LTBP1: variants seen among roughly 807,000 people sequenced by gnomAD.
The protein encoded by LTBP1 is latent transforming growth factor beta binding protein 1, also known as latent-transforming growth factor beta-binding protein 1.
Under a neutral mutation model 207.6 loss-of-function variants are expected in LTBP1, and 129 were observed. That is an observed-to-expected ratio of 0.62 (90% CI 0.54 to 0.72). The LOEUF (loss-of-function observed/expected upper bound fraction) is 0.72, where lower values mean the gene tolerates loss of function less well. Among genes scored for constraint, LTBP1 ranks in the 30% least tolerant of loss-of-function variants. The probability of loss-of-function intolerance (pLI) is 0.00; values close to 1 mark genes in which losing one functional copy is unlikely to be tolerated. For synonymous variants in LTBP1, 963 were observed against 833.7 expected (o/e 1.16, Z -2.67); for missense variants, 2,281 against 2,217.2 (o/e 1.03, Z -0.58).
At position 33,217,614 on chromosome 2, in the gene LTBP1, C is replaced by G. The variant is rs761327971; in HGVS notation, c.1764C>G (p.Ser588=). 2 of 1,613,780 alleles carry G rather than the reference C, an allele frequency of 1.2e-6. No homozygotes were observed. The highest frequency in any genetic ancestry group is 1.7e-6 in the Non-Finnish European group (2 of 1,179,834). Residue 588 remains serine, a synonymous_variant, in exon 8 of 34, where the codon TCC becomes TCG. Transcript: ENST00000404816. The part of the protein sequence containing the change: ...QEDCCGTVGT[S]WGFNKCQKCP... ...ACTGCTGTGGAACTGTGGGTACCTC[C>G]TGGGGCTTTAACAAATGCCAGAAAT...
At chr2:33,204,165 T>C (rs555638559) in intron 7 of LTBP1, among the ~76,000 whole-genome samples, 1 of 152,384 alleles carries the variant, frequency 6.6e-6, no homozygotes, top group Non-Finnish European at 1.5e-5. Flanking sequence ...GAACCTTCTC[T>C]AAGACCATGA....
chr2:33,362,987 T>A (rs753221877), intron 28 of LTBP1, among the ~76,000 whole-genome samples: 27 of 152,308 alleles, frequency 1.8e-4, no homozygotes, highest in South Asian at 4.1e-4. Context: ...TCCACCAAAC[T>A]TTATTGGAAA....
intron 26 of LTBP1, among the ~76,000 whole-genome samples, chr2:33,353,027 G>A (rs2094804664): frequency 7.1e-6 from 1 of 141,122 alleles, no homozygotes; most frequent in South Asian, 2.2e-4. Context: ...TGCGCAGGCT[G>A]GAGTGCAGTG....
At chr2:33,075,763 T>C (rs1017338123) in intron 3 of LTBP1, among the ~76,000 whole-genome samples, 2 of 152,264 alleles carry the variant, frequency 1.3e-5, no homozygotes, top group Non-Finnish European at 2.9e-5. Context: ...GTAAGTGATA[T>C]AATCCACACT....
intron 33 of LTBP1, among the ~76,000 whole-genome samples, 190 bp from the exon 34 acceptor site, chr2:33,398,174 C>G (rs117761459): frequency 6.6e-6 from 1 of 152,204 alleles, no homozygotes; most frequent in African/African-American, 2.4e-5. Flanking sequence ...GAAAGAAGTT[C>G]TAGAACCTCC....
Position 33,139,101 on chromosome 2 carries a change from G to A in LTBP1, c.1201+4141G>A, listed in dbSNP as rs1046436405. On this transcript the variant is annotated intron_variant, in intron 5 of 33. Coordinates refer to ENST00000404816, the MANE Select transcript of LTBP1 (RefSeq NM_206943.4). ...TCTCCATCTCCTGACCTCGTGATCC[G>A]CCCGCCTCGGCCTCCCAAAGTGCTG... 4.3e-4 allele frequency among the ~76,000 whole-genome samples: 65 copies of A among 151,786 alleles called. 1 individual carries two copies. Among genetic ancestry groups the A allele is most frequent in the Middle Eastern group, 3.4e-3 (1 of 294 alleles).
intron 6 of LTBP1, among the ~76,000 whole-genome samples, chr2:33,187,553 T>A (rs1256316696): frequency 6.6e-6 from 1 of 152,084 alleles, no homozygotes; most frequent in Admixed American, 6.5e-5. Context: ...GAAAGTAAAC[T>A]AGGTCACTTG....
intron 26 of LTBP1, among the ~76,000 whole-genome samples, chr2:33,358,574 C>A (rs1178424349): frequency 6.6e-6 from 1 of 152,032 alleles, no homozygotes; most frequent in Non-Finnish European, 1.5e-5. Flanking sequence ...GTAATAAACA[C>A]CATGACATAC....
intron 2 of LTBP1, among the ~76,000 whole-genome samples, chr2:32,997,291 G>A (rs920391146): frequency 6.6e-6 from 1 of 152,064 alleles, no homozygotes; most frequent in Non-Finnish European, 1.5e-5. Context: ...TGGGAGGATT[G>A]CTTGAGGCCA....
intron 31 of LTBP1, among the ~76,000 whole-genome samples, chr2:33,372,209 G>C (rs1643464309): frequency 1.3e-5 from 2 of 152,158 alleles, no homozygotes; most frequent in African/African-American, 4.8e-5. Flanking sequence ...CCTTGCTCCA[G>C]AATCTACGTT....
chr2:33,177,726 A>T (rs143237713), intron 5 of LTBP1, among the ~76,000 whole-genome samples: 265 of 152,316 alleles, frequency 1.7e-3, no homozygotes, highest in African/African-American at 6.0e-3. Flanking sequence ...GAATGGCTAT[A>T]TAATTTACCA....
At position 33,398,710 on chromosome 2, in the gene LTBP1, C is replaced by A; in HGVS notation, c.*165C>A. ...ACAATGAGAGGATTTAGGATGAGCC[C>A]GATAGGTGTGGCAGACCAAATGGAC... On this transcript the variant is annotated 3_prime_UTR_variant, in exon 34 of 34. Transcript: ENST00000404816. 6.9e-6 allele frequency: 4 copies of A among 581,598 alleles called. No individual in the cohort carries two copies. The highest frequency in any genetic ancestry group is 2.9e-5 in the South Asian group (1 of 33,956). The allele number at this position is 581,598 out of a possible 1,614,324, so 36.0% of individuals were successfully genotyped here. A position where few individuals can be genotyped will look rare whatever the true frequency, so the allele number is the denominator to read the frequency against.
intron 24 of LTBP1, among the ~76,000 whole-genome samples, chr2:33,331,684 A>G (rs1011622323): frequency 2.0e-5 from 3 of 152,112 alleles, no homozygotes; most frequent in African/African-American, 7.2e-5. Flanking sequence ...GGCTGGACCT[A>G]TATGTCAATT....
At chr2:33,027,443 T>C (rs977902488) in intron 3 of LTBP1, among the ~76,000 whole-genome samples, 13 of 152,338 alleles carry the variant, frequency 8.5e-5, no homozygotes, top group African/African-American at 3.1e-4. Flanking sequence ...ATGCTCTTTG[T>C]TAGATCTCTG....
At chr2:33,176,211 CAT>C (rs1473545569) in intron 5 of LTBP1, among the ~76,000 whole-genome samples, 2 of 131,014 alleles carry the variant, frequency 1.5e-5, no homozygotes, top group African/African-American at 5.7e-5. Context: ...CCAATTTTGA[CAT>C]GTTAATTAAT....
chr2:33,148,567 C>T (rs1270163391), intron 5 of LTBP1, among the ~76,000 whole-genome samples: 1 of 152,184 alleles, frequency 6.6e-6, no homozygotes, highest in Non-Finnish European at 1.5e-5. Context: ...TTTCCTTCAC[C>T]TCACTCTGGC....
At chr2:33,335,304 A>G (rs116759024) in intron 24 of LTBP1, among the ~76,000 whole-genome samples, 40 of 151,864 alleles carry the variant, frequency 2.6e-4, no homozygotes, top group African/African-American at 9.5e-4. Context: ...CTAGCTTTCA[A>G]AACAGACTTG....
At chr2:33,266,754 G>A (rs2093191248) in intron 15 of LTBP1, among the ~76,000 whole-genome samples, 1 of 152,138 alleles carries the variant, frequency 6.6e-6, no homozygotes. Context: ...GGTATCCTGA[G>A]AGCTGTCACG....
chr2:33,297,424 T>G lies in LTBP1; in HGVS notation c.3236-3027T>G, dbSNP rs1179227194. The stretch of plus-strand genomic sequence containing the variant: ...CTTTATTTATTTATTTATTTATTTA[T>G]TTATTTATTTATTTATTTATTTATT... On this transcript the variant is annotated intron_variant, in intron 20 of 33. Transcript: ENST00000404816. 2.7e-5 allele frequency among the ~76,000 whole-genome samples: 4 copies of G among 150,794 alleles called. No homozygotes were observed. The East Asian group carries it at 7.8e-4, about 29-fold the overall frequency.
Sources: allele counts gnomAD v4.1 joint callset (sites outside exome capture counted in the v4.1 genomes callset), GRCh38; gene constraint gnomAD v4.1.1; transcripts MANE v1.5; gene names NCBI Gene and HGNC (gene_info 2026-07-23, HGNC 2026-07-21).